PSD3: variants seen among roughly 807,000 people sequenced by gnomAD.
The protein encoded by PSD3 is PH and SEC7 domain-containing protein 3.
Under a neutral mutation model 105.5 loss-of-function variants are expected in PSD3, and 49 were observed. The ratio of observed to expected loss-of-function variants is 0.46; its 90% confidence interval spans 0.37 to 0.59. The LOEUF is 0.59. PSD3 is among the 20% of genes least tolerant of loss of function. PSD3 has a pLI of 0.00. For synonymous variants in PSD3, 557 were observed against 457.8 expected, an observed-to-expected ratio of 1.22 and a Z score of -2.77; for missense variants, 1,561 against 1,263.8, an observed-to-expected ratio of 1.24 and a Z score of -3.57.
At chr8:18,551,678 G>A (rs1033613019) in intron 15 of PSD3, among the ~76,000 whole-genome samples, 1 of 152,148 alleles carries the variant, frequency 6.6e-6, no homozygotes, top group Non-Finnish European at 1.5e-5. Context: ...TCAGGAGTGG[G>A]TATTCAGCTG....
rs140547180 is a variant in PSD3 at position 18,960,594 on chromosome 8, T to C, written c.22-24452A>G. 8.5e-5 allele frequency among the ~76,000 whole-genome samples: 13 copies of C among 152,320 alleles called. No individual in the cohort carries two copies. The East Asian group carries it at 1.3e-3, about 16-fold the overall frequency. On this transcript the variant is annotated intron_variant, in intron 1 of 15. Transcript: ENST00000327040. ...GACAGTAAACTGCTGCTTAGTGACA[T>C]TGTTCACACAACAGGGCTGTTACAG...
At chr8:18,835,503 A>C (rs1814030530) in intron 4 of PSD3, among the ~76,000 whole-genome samples, 1 of 152,198 alleles carries the variant, frequency 6.6e-6, no homozygotes, top group Admixed American at 6.5e-5. Flanking sequence ...CAAGACAAAA[A>C]TCCCTGCCCT....
chr8:18,648,545 T>C (rs901242712), intron 10 of PSD3, among the ~76,000 whole-genome samples: 1 of 152,206 alleles, frequency 6.6e-6, no homozygotes, highest in African/African-American at 2.4e-5. Context: ...AGCAAATAAA[T>C]GACATAAAAC....
At chr8:18,580,677 C>G (rs998168098) in intron 12 of PSD3, among the ~76,000 whole-genome samples, 1 of 152,152 alleles carries the variant, frequency 6.6e-6, no homozygotes, top group African/African-American at 2.4e-5. Context: ...ACCAAGGACA[C>G]AGTTCCTGAT....
chr8:19,003,618 C>T (rs946545267), intron 1 of PSD3, among the ~76,000 whole-genome samples: 16 of 151,896 alleles, frequency 1.1e-4, no homozygotes, highest in African/African-American at 3.6e-4. Context: ...AAAATATGAG[C>T]ACATTTTAAA....
At chr8:18,656,565 G>A (rs1328573339) in intron 9 of PSD3, among the ~76,000 whole-genome samples, 1 of 152,158 alleles carries the variant, frequency 6.6e-6, no homozygotes, top group African/African-American at 2.4e-5. Context: ...TTGGGTGTGT[G>A]TGGTTGTGGC....
chr8:18,732,748 T>C (rs1202960644), intron 9 of PSD3: 1 of 152,142 alleles, frequency 6.6e-6, no homozygotes, highest in African/African-American at 2.4e-5. Flanking sequence ...GGAAATAGAC[T>C]CTACACTCCT....
At chr8:18,742,841 C>T (rs918897842) in intron 9 of PSD3, among the ~76,000 whole-genome samples, 2 of 152,152 alleles carry the variant, frequency 1.3e-5, no homozygotes, top group African/African-American at 4.8e-5. Context: ...CTAGGTTATC[C>T]ATAACCTTTC....
intron 14 of PSD3, among the ~76,000 whole-genome samples, chr8:18,560,211 A>AC (rs1563322125): frequency 5.4e-5 from 7 of 130,360 alleles, no homozygotes; most frequent in African/African-American, 2.1e-4. Context: ...CACACACACA[A>AC]ACAAAAAAAC....
At chr8:18,875,623 G>A (rs6994756) in intron 2 of PSD3, among the ~76,000 whole-genome samples, 3,236 of 151,588 alleles carry the variant, frequency 0.021, 101 homozygotes, top group African/African-American at 0.075. Flanking sequence ...TGCAAGCTCC[G>A]CCTCCTGGAT....
chr8:18,897,964 C>A (rs538243432), intron 2 of PSD3, among the ~76,000 whole-genome samples: 2 of 152,056 alleles, frequency 1.3e-5, no homozygotes, highest in Admixed American at 6.5e-5. Context: ...TTCTAGTACT[C>A]CTGAAAAAAA....
At chr8:18,732,732 G>T (rs994095325) in intron 9 of PSD3, 2 of 152,236 alleles carry the variant, frequency 1.3e-5, no homozygotes, top group Non-Finnish European at 2.9e-5. Context: ...AGGCTTCGGC[G>T]GGAGGGGAAA....
At chr8:18,899,282 CT>C (rs1819347168) in intron 2 of PSD3, among the ~76,000 whole-genome samples, 1 of 152,026 alleles carries the variant, frequency 6.6e-6, no homozygotes, top group Non-Finnish European at 1.5e-5. Context: ...CCCCTCATAC[CT>C]TTTTTCCCAT....
In PSD3 at chr8:18,799,344, T is replaced by C; in HGVS notation, c.2033A>G (p.His678Arg). ...PDTIASQDGV[H>R]CLTCAIMLLN... ...AAGCATTATTGCACAGGTAAGGCAATGGACTCCATCTAAAGAAAGATACAA... is the reference window on the plus strand; with the variant it reads ...AAGCATTATTGCACAGGTAAGGCAACGGACTCCATCTAAAGAAAGATACAA... The change falls in exon 8 of 16, where the codon CAT becomes CGT. Residue 678 changes from histidine (H) to arginine (R), a missense_variant. Coordinates refer to ENST00000327040, the MANE Select transcript of PSD3 (RefSeq NM_015310.4). The C allele has an allele frequency of 6.2e-7, 1 of 1,604,512 alleles. No homozygotes were observed.
intron 1 of PSD3, among the ~76,000 whole-genome samples, chr8:19,074,584 G>GATATATAT (rs57891868): frequency 0.033 from 3,245 of 98,608 alleles, 233 homozygotes; most frequent in Non-Finnish European, 0.05. Flanking sequence ...TTACAACTCA[G>GATATATAT]ATATATACAT....
chr8:18,612,518 G>A (rs962014977), intron 11 of PSD3, among the ~76,000 whole-genome samples: 4 of 151,924 alleles, frequency 2.6e-5, no homozygotes, highest in African/African-American at 7.3e-5. Context: ...GACTACAGGC[G>A]CCCGCCACCC....
chr8:18,913,308 A>G lies in PSD3; in HGVS notation c.130+22726T>C, dbSNP rs1239707396. Among the ~76,000 whole-genome samples, 5 of 151,990 alleles carry G rather than the reference A, an allele frequency of 3.3e-5. No individual in the cohort carries two copies. The East Asian group carries it at 9.7e-4, about 29-fold the overall frequency. On this transcript the variant is annotated intron_variant, in intron 2 of 15. Transcript: ENST00000327040. ...TTCTCTATCTCGGGTTGATTCTTCT[A>G]AATTTATTTTAAATACTACTTTGTC... is the stretch of plus-strand genomic sequence containing the variant.
At chr8:19,043,595 T>G (rs574408458) in intron 1 of PSD3, among the ~76,000 whole-genome samples, 2 of 152,344 alleles carry the variant, frequency 1.3e-5, no homozygotes, top group South Asian at 4.1e-4. Flanking sequence ...CCAAAACTTA[T>G]GCTGAAGTTA....
chr8:18,756,871 A>G (rs1225547498), intron 9 of PSD3, among the ~76,000 whole-genome samples: 1 of 149,208 alleles, frequency 6.7e-6, no homozygotes, highest in Admixed American at 6.7e-5. Context: ...ACTAGTCACT[A>G]GCAACACTAA....
Sources: allele counts gnomAD v4.1 joint callset (sites outside exome capture counted in the v4.1 genomes callset), GRCh38; gene constraint gnomAD v4.1.1; transcripts MANE v1.5; gene names NCBI Gene and HGNC (gene_info 2026-07-23, HGNC 2026-07-21).